MMP16: variants seen among roughly 807,000 people sequenced by gnomAD.
MMP16 encodes the protein matrix metalloproteinase-16.
Under a neutral mutation model 67.8 loss-of-function variants are expected in MMP16, and 12 were observed. The observed-to-expected ratio is 0.18, with a 90% CI of 0.11 to 0.29. MMP16 has a LOEUF of 0.29. MMP16 is among the 10% of genes least tolerant of loss of function. The pLI is 1.00. For missense variants in MMP16, 475 were observed against 765.7 expected (o/e 0.62, Z 4.48); for synonymous variants, 249 against 255.9 (o/e 0.97, Z 0.26).
intron 1 of MMP16, among the ~76,000 whole-genome samples, chr8:88,248,876 A>T (rs189265877): frequency 2.6e-5 from 4 of 152,108 alleles, no homozygotes; most frequent in African/African-American, 9.6e-5. Context: ...TATTGCTATG[A>T]CCAATATCTA....
At chr8:88,096,296 C>T (rs1809025431) in intron 6 of MMP16, among the ~76,000 whole-genome samples, 1 of 151,980 alleles carries the variant, frequency 6.6e-6, no homozygotes, top group East Asian at 1.9e-4. Context: ...TATTTTAAAA[C>T]TGGCTGGCCT....
chr8:88,295,791 TAGA>T (rs1811003506), intron 1 of MMP16, among the ~76,000 whole-genome samples: 2 of 152,180 alleles, frequency 1.3e-5, no homozygotes, highest in South Asian at 4.1e-4. Flanking sequence ...AGTAATTTCT[TAGA>T]AGATTATAAG....
chr8:88,296,709 G>A (rs1283031723), intron 1 of MMP16, among the ~76,000 whole-genome samples: 1 of 151,044 alleles, frequency 6.6e-6, no homozygotes, highest in Non-Finnish European at 1.5e-5. Flanking sequence ...GGTATGACAG[G>A]GATGACATAC....
intron 4 of MMP16, among the ~76,000 whole-genome samples, chr8:88,162,413 C>G (rs1354466536): frequency 6.6e-6 from 1 of 151,974 alleles, no homozygotes; most frequent in Admixed American, 6.6e-5. Flanking sequence ...AGAGTTCGTT[C>G]TCCAGTTTTA....
chr8:88,250,038 A>AT (rs1327462274), intron 1 of MMP16, among the ~76,000 whole-genome samples: 1 of 152,130 alleles, frequency 6.6e-6, no homozygotes, highest in Non-Finnish European at 1.5e-5. Context: ...TGTAGCTGTC[A>AT]TATCTTCCTT....
intron 3 of MMP16, among the ~76,000 whole-genome samples, chr8:88,169,891 G>A (rs974001711): frequency 2.2e-4 from 33 of 152,188 alleles, no homozygotes; most frequent in Admixed American, 7.9e-4. Flanking sequence ...AAACTGGAGC[G>A]TCATGAACAG....
Position 88,211,667 on chromosome 8 carries a change from C to T in MMP16, c.133-14361G>A, listed in dbSNP as rs140483990. On this transcript the variant is annotated intron_variant, in intron 1 of 9. Transcript: ENST00000286614. ...CATCTTCAAGGTAACCTTCCTAGACCAGGCTCTCTTTTACTTATACTTGAA... is the reference window on the plus strand; with the variant it reads ...CATCTTCAAGGTAACCTTCCTAGACTAGGCTCTCTTTTACTTATACTTGAA... Among the ~76,000 whole-genome samples, 39 of 152,230 alleles carry T rather than the reference C, an allele frequency of 2.6e-4. 1 individual carries two copies. The highest frequency in any genetic ancestry group is 9.1e-4 in the African/African-American group (38 of 41,550).
At chr8:88,199,046 T>C (rs896381514) in intron 1 of MMP16, among the ~76,000 whole-genome samples, 1 of 152,104 alleles carries the variant, frequency 6.6e-6, no homozygotes, top group African/African-American at 2.4e-5. Flanking sequence ...ATAATATACA[T>C]GCACCAATAT....
At chr8:88,252,849 A>G (rs530913672) in intron 1 of MMP16, among the ~76,000 whole-genome samples, 1 of 152,224 alleles carries the variant, frequency 6.6e-6, no homozygotes, top group Non-Finnish European at 1.5e-5. Flanking sequence ...GAAACATTTA[A>G]TACGTAAAAG....
At chr8:88,292,351 C>T (rs1374851986) in intron 1 of MMP16, among the ~76,000 whole-genome samples, 1 of 152,122 alleles carries the variant, frequency 6.6e-6, no homozygotes, top group Non-Finnish European at 1.5e-5. Context: ...TAAGAACATA[C>T]CCATATACAA....
chr8:88,059,838 G>C (rs1001642501), intron 7 of MMP16, among the ~76,000 whole-genome samples: 20 of 152,074 alleles, frequency 1.3e-4, no homozygotes, highest in South Asian at 1.0e-3. Context: ...AACACCGAGA[G>C]ATTTTCCCTC....
intron 1 of MMP16, among the ~76,000 whole-genome samples, chr8:88,301,062 C>T (rs1438603011): frequency 6.6e-6 from 1 of 152,100 alleles, no homozygotes; most frequent in Non-Finnish European, 1.5e-5. Context: ...CTTATTAATA[C>T]CTTAAAATTT....
chr8:88,062,631 G>T (rs1808414449), intron 7 of MMP16, among the ~76,000 whole-genome samples: 1 of 151,840 alleles, frequency 6.6e-6, no homozygotes, highest in African/African-American at 2.4e-5. Context: ...CACAGGAAGG[G>T]GAACATCACA....
chr8:88,064,695 A>G (rs1808441740), intron 7 of MMP16, among the ~76,000 whole-genome samples: 1 of 152,110 alleles, frequency 6.6e-6, no homozygotes, highest in Admixed American at 6.6e-5. Context: ...CCAATAATAA[A>G]CAAGTAACAC....
At chr8:88,086,009 A>G (rs1217238589) in intron 6 of MMP16, among the ~76,000 whole-genome samples, 1 of 151,848 alleles carries the variant, frequency 6.6e-6, no homozygotes, top group East Asian at 1.9e-4. Flanking sequence ...ACAATAATAT[A>G]TTAATTTTTA....
intron 4 of MMP16, among the ~76,000 whole-genome samples, chr8:88,156,415 A>G (rs1291312160): frequency 6.6e-6 from 1 of 152,062 alleles, no homozygotes; most frequent in African/African-American, 2.4e-5. Context: ...AATAAGGTCT[A>G]TTTCTGCTGC....
intron 7 of MMP16, among the ~76,000 whole-genome samples, chr8:88,056,601 T>C (rs1201423317): frequency 2.0e-5 from 3 of 152,112 alleles, no homozygotes; most frequent in Non-Finnish European, 4.4e-5. Flanking sequence ...GATGAAGGAT[T>C]CTTCCCCTAA....
intron 1 of MMP16, among the ~76,000 whole-genome samples, chr8:88,255,531 T>C (rs1200843572): frequency 6.6e-6 from 1 of 152,178 alleles, no homozygotes; most frequent in Admixed American, 6.6e-5. Flanking sequence ...AAAACAGAGC[T>C]TCTTATAGAT....
intron 1 of MMP16, among the ~76,000 whole-genome samples, chr8:88,282,081 T>TGGGGGGGGGG (rs1482328745): frequency 3.0e-5 from 1 of 33,628 alleles, no homozygotes; most frequent in African/African-American, 1.1e-4. Context: ...TTTTTCTTTT[T>TGGGGGGGGGG]TGGGGGGGGG....
Sources: gnomAD v4.1 joint callset for allele counts (sites outside exome capture counted in the v4.1 genomes callset) on GRCh38, gnomAD v4.1.1 for gene constraint, MANE v1.5 for transcripts, NCBI Gene and HGNC (gene_info 2026-07-23, HGNC 2026-07-21) for gene names.